The following ASTN2 variants were observed in gnomAD, a reference collection of about 807,000 sequenced individuals.
ASTN2 encodes the protein astrotactin-2.
ASTN2 carries 54 observed loss-of-function variants against 139.8 expected under a neutral mutation model. The ratio of observed to expected loss-of-function variants is 0.39; its 90% CI spans 0.31 to 0.48. The LOEUF (loss-of-function observed/expected upper bound fraction) is 0.48, where lower values mean the gene tolerates loss of function less well. ASTN2 is among the 20% of genes least tolerant of loss of function. The probability of loss-of-function intolerance (pLI) is 0.95; values close to 1 mark genes in which losing one functional copy is unlikely to be tolerated. For synonymous variants in ASTN2, 756 were observed against 719.5 expected, an observed-to-expected ratio of 1.05 and a Z score of -0.81; for missense variants, 1,565 against 1,725.1, an observed-to-expected ratio of 0.91 and a Z score of 1.64.
intron 13 of ASTN2, among the ~76,000 whole-genome samples, chr9:116,740,809 C>T (rs1023630441): frequency 4.0e-5 from 6 of 151,540 alleles, no homozygotes; most frequent in African/African-American, 9.7e-5. Flanking sequence ...CCACCGCGCC[C>T]GGCGGTAAAG....
intron 8 of ASTN2, 132 bp from the exon 9 acceptor site, chr9:116,976,320 TA>T: frequency 1.4e-6 from 1 of 700,410 alleles, no homozygotes; most frequent in Non-Finnish European, 2.4e-6. Context: ...CAAGACTACT[TA>T]TATTATAAAA....
chr9:117,347,128 G>C (rs1164432690), intron 1 of ASTN2, among the ~76,000 whole-genome samples: 11 of 152,018 alleles, frequency 7.2e-5, no homozygotes, highest in Admixed American at 7.2e-4. Context: ...AGTGAAAACT[G>C]TGGAAAATAT....
chr9:117,041,224 T>A (rs535870807), intron 5 of ASTN2, among the ~76,000 whole-genome samples: 2 of 152,288 alleles, frequency 1.3e-5, no homozygotes, highest in East Asian at 1.9e-4. Flanking sequence ...AAGGTTTTGC[T>A]TACCAGTTTT....
intron 4 of ASTN2, among the ~76,000 whole-genome samples, chr9:117,129,054 A>C (rs1047115906): frequency 6.6e-6 from 1 of 152,224 alleles, no homozygotes; most frequent in Non-Finnish European, 1.5e-5. Flanking sequence ...GTGGGCACAC[A>C]GAGCCAAAAC....
intron 19 of ASTN2, among the ~76,000 whole-genome samples, chr9:116,617,021 C>T (rs1389613478): frequency 2.0e-5 from 3 of 152,166 alleles, no homozygotes; most frequent in Non-Finnish European, 4.4e-5. Flanking sequence ...GTTACTGTTC[C>T]ATGACCTGTC....
chr9:116,732,706 C>T (rs1828820835), intron 14 of ASTN2, among the ~76,000 whole-genome samples: 1 of 152,148 alleles, frequency 6.6e-6, no homozygotes, highest in South Asian at 2.1e-4. Context: ...TATGGAGTCT[C>T]AGGAAAGCCT....
intron 21 of ASTN2, among the ~76,000 whole-genome samples, chr9:116,442,224 C>T (rs1847860778): frequency 1.3e-5 from 2 of 152,172 alleles, no homozygotes; most frequent in Admixed American, 6.5e-5. Context: ...AAAGAGGAGG[C>T]AAGTCTTTCC....
intron 19 of ASTN2, among the ~76,000 whole-genome samples, chr9:116,504,904 A>AAAAC (rs1465640057): frequency 6.7e-6 from 1 of 149,950 alleles, no homozygotes; most frequent in Non-Finnish European, 1.5e-5. Flanking sequence ...TCAAAAAAAA[A>AAAAC]AAAAAAAAAA....
intron 1 of ASTN2, among the ~76,000 whole-genome samples, chr9:117,347,845 G>A (rs1829272769): frequency 6.6e-6 from 1 of 152,156 alleles, no homozygotes; most frequent in Admixed American, 6.5e-5. Context: ...AAGGGCACAT[G>A]TGCTAAAGGG....
At chr9:116,833,916 C>T (rs1831903155) in intron 11 of ASTN2, among the ~76,000 whole-genome samples, 1 of 152,048 alleles carries the variant, frequency 6.6e-6, no homozygotes, top group Non-Finnish European at 1.5e-5. Context: ...ACCAGAGTTC[C>T]CTCCCTCTCC....
intron 2 of ASTN2, among the ~76,000 whole-genome samples, chr9:117,248,163 C>T (rs1297805453): frequency 6.6e-6 from 1 of 152,166 alleles, no homozygotes; most frequent in East Asian, 1.9e-4. Context: ...TCCTGTAGAG[C>T]TATAGACAGG....
chr9:116,774,341 G>T (rs1280627541), intron 13 of ASTN2, among the ~76,000 whole-genome samples: 2 of 152,120 alleles, frequency 1.3e-5, no homozygotes, highest in Non-Finnish European at 2.9e-5. Context: ...CTACACAGTG[G>T]CCAAGAAATA....
chr9:117,115,744 G>T (rs1266003261), intron 4 of ASTN2, among the ~76,000 whole-genome samples: 1 of 151,324 alleles, frequency 6.6e-6, no homozygotes, highest in African/African-American at 2.4e-5. Flanking sequence ...GACAATTGCT[G>T]GCCGGGCGCG....
intron 2 of ASTN2, among the ~76,000 whole-genome samples, chr9:117,262,194 G>C (rs941406369): frequency 5.9e-5 from 9 of 152,026 alleles, no homozygotes; most frequent in Non-Finnish European, 1.2e-4. Flanking sequence ...ACCAGAGTGT[G>C]GGTATACGGG....
intron 7 of ASTN2, among the ~76,000 whole-genome samples, chr9:116,989,835 C>T (rs924724764): frequency 3.9e-5 from 6 of 152,110 alleles, no homozygotes; most frequent in African/African-American, 2.4e-5. Context: ...CCGCCTGCCT[C>T]GGCCTCCCAA....
intron 17 of ASTN2, among the ~76,000 whole-genome samples, chr9:116,643,099 T>C (rs907541559): frequency 1.3e-5 from 2 of 152,204 alleles, no homozygotes. Context: ...AAAGTAAGCA[T>C]AATAGTGAAT....
At chr9:116,835,801 T>C (rs1370653535) in intron 11 of ASTN2, among the ~76,000 whole-genome samples, 2 of 152,152 alleles carry the variant, frequency 1.3e-5, no homozygotes, top group African/African-American at 4.8e-5. Flanking sequence ...ATTTATTTAT[T>C]TTAGAGAGAG....
intron 20 of ASTN2, among the ~76,000 whole-genome samples, chr9:116,467,579 C>T (rs866188342): frequency 1.1e-4 from 16 of 152,194 alleles, no homozygotes; most frequent in Non-Finnish European, 7.3e-5. Flanking sequence ...CAGAATCTTA[C>T]GACGTCATTT....
At chr9:116,831,861 G>A (rs1009844847) in intron 11 of ASTN2, among the ~76,000 whole-genome samples, 7 of 152,086 alleles carry the variant, frequency 4.6e-5, no homozygotes, top group African/African-American at 1.7e-4. Flanking sequence ...CGAGGCATGT[G>A]GACATCTTTA....
Sources: allele counts gnomAD v4.1 joint callset (sites outside exome capture counted in the v4.1 genomes callset), GRCh38; gene constraint gnomAD v4.1.1; transcripts MANE v1.5; gene names NCBI Gene and HGNC (gene_info 2026-07-23, HGNC 2026-07-21).